Variants in CSNK1G3 observed in about 807,000 individuals in gnomAD.
The protein encoded by CSNK1G3 is casein kinase I isoform gamma-3.
In CSNK1G3, 23 loss-of-function variants were observed where a neutral mutation model predicts 64.3. The ratio of observed to expected loss-of-function variants is 0.36; its 90% CI spans 0.26 to 0.51. CSNK1G3 has a LOEUF of 0.51. Among genes scored for constraint, CSNK1G3 ranks in the 20% least tolerant of loss-of-function variants. The pLI, the probability that CSNK1G3 is intolerant of heterozygous loss-of-function variation, is 0.96. For synonymous variants in CSNK1G3, 158 were observed against 162.2 expected (o/e 0.97, Z 0.20); for missense variants, 357 against 510.5 (o/e 0.70, Z 2.90).
chr5:123,605,876 T>C (rs1404512121), intron 12 of CSNK1G3, among the ~76,000 whole-genome samples: 1 of 152,122 alleles, frequency 6.6e-6, no homozygotes, highest in African/African-American at 2.4e-5. Context: ...AATCCTCATC[T>C]AAATGGTTGC....
intron 12 of CSNK1G3, among the ~76,000 whole-genome samples, chr5:123,611,095 AGAG>A (rs1389307712): frequency 6.6e-6 from 1 of 152,240 alleles, no homozygotes; most frequent in Non-Finnish European, 1.5e-5. Flanking sequence ...GTGCTGGGGA[AGAG>A]GAAGCAATTG....
chr5:123,517,931 GAAAAAAAA>G (rs529062252), intron 1 of CSNK1G3, among the ~76,000 whole-genome samples: 1 of 106,490 alleles, frequency 9.4e-6, no homozygotes, highest in African/African-American at 3.3e-5. Flanking sequence ...TCCTCTTTAA[GAAAAAAAA>G]AAAAAAAAAG....
intron 5 of CSNK1G3, among the ~76,000 whole-genome samples, chr5:123,574,016 A>G (rs1788652836): frequency 6.6e-6 from 1 of 151,772 alleles, no homozygotes; most frequent in Non-Finnish European, 1.5e-5. Context: ...CGCCCGACCA[A>G]TTTTTTGTAT....
chr5:123,571,712 TTTTATTAAA>T (rs1338740955), intron 4 of CSNK1G3, among the ~76,000 whole-genome samples: 6 of 152,122 alleles, frequency 3.9e-5, no homozygotes, highest in Non-Finnish European at 8.8e-5. Context: ...TTAAAAAACG[TTTTATTAAA>T]AAGAATGAGA....
intron 4 of CSNK1G3, among the ~76,000 whole-genome samples, chr5:123,560,840 A>T (rs1032272467): frequency 1.3e-5 from 2 of 152,118 alleles, no homozygotes; most frequent in African/African-American, 4.8e-5. Context: ...ATTATTGTTC[A>T]TTGGGTAAGA....
chr5:123,525,922 T>C (rs889392053), intron 1 of CSNK1G3, among the ~76,000 whole-genome samples: 6 of 145,232 alleles, frequency 4.1e-5, no homozygotes, highest in Non-Finnish European at 8.9e-5. Context: ...GGCATGAACC[T>C]GGGAGGCGGA....
At chr5:123,516,893 T>C (rs1156890226) in intron 1 of CSNK1G3, among the ~76,000 whole-genome samples, 4 of 152,206 alleles carry the variant, frequency 2.6e-5, no homozygotes, top group African/African-American at 7.2e-5. Flanking sequence ...TTAGATCACT[T>C]TGTGTTACCT....
In CSNK1G3 at chr5:123,588,409, T is replaced by A. The variant is rs1375068822; in HGVS notation, c.760-18T>A. 1.3e-6 allele frequency: 2 copies of A among 1,582,692 alleles called. No individual in the cohort carries two copies. Among genetic ancestry groups the A allele is most frequent in the South Asian group, 1.1e-5 (1 of 90,410 alleles). On this transcript the variant is annotated intron_variant, in intron 7 of 12. Transcript: ENST00000345990. ...TTTTAAATTACCACATTCTCAAGAT[T>A]TTTTTTTTCTGTTTTAGGCTGACAC...
chr5:123,535,246 G>T (rs1456486846), intron 1 of CSNK1G3, among the ~76,000 whole-genome samples: 1 of 152,040 alleles, frequency 6.6e-6, no homozygotes, highest in Non-Finnish European at 1.5e-5. Context: ...AATTAGCGTG[G>T]ATTCCTATAC....
intron 6 of CSNK1G3, among the ~76,000 whole-genome samples, chr5:123,578,364 C>G (rs1229986661): frequency 4.0e-5 from 6 of 151,676 alleles, no homozygotes; most frequent in Non-Finnish European, 8.9e-5. Context: ...TTCTAGTGGC[C>G]AAGGGGTAGT....
chr5:123,596,088 T>C (rs974180917), intron 10 of CSNK1G3, among the ~76,000 whole-genome samples: 1 of 152,106 alleles, frequency 6.6e-6, no homozygotes, highest in Non-Finnish European at 1.5e-5. Context: ...TGCTATTCTT[T>C]CTTGATTTGA....
intron 1 of CSNK1G3, among the ~76,000 whole-genome samples, chr5:123,514,175 A>G (rs190839317): frequency 6.6e-6 from 1 of 152,312 alleles, no homozygotes; most frequent in African/African-American, 2.4e-5. Flanking sequence ...TGGGAGACAG[A>G]AAGGTTAATT....
At chr5:123,559,620 A>G (rs924477008) in intron 4 of CSNK1G3, among the ~76,000 whole-genome samples, 4 of 151,672 alleles carry the variant, frequency 2.6e-5, no homozygotes, top group African/African-American at 9.7e-5. Context: ...GAAGGTTTGC[A>G]TCATGGTGGC....
intron 10 of CSNK1G3, 119 bp from the exon 12 acceptor site, chr5:123,604,605 T>G (rs986999302): frequency 7.6e-6 from 4 of 526,076 alleles, no homozygotes; most frequent in Admixed American, 7.2e-5. Flanking sequence ...CACATTAACT[T>G]TCTAATTGAA....
chr5:123,523,646 G>A (rs927642697), intron 1 of CSNK1G3, among the ~76,000 whole-genome samples: 1 of 152,136 alleles, frequency 6.6e-6, no homozygotes, highest in Non-Finnish European at 1.5e-5. Context: ...GAGACTTTTA[G>A]AATTATTCTG....
At chr5:123,524,567 ATTC>A (rs1266748711) in intron 1 of CSNK1G3, among the ~76,000 whole-genome samples, 1 of 152,026 alleles carries the variant, frequency 6.6e-6, no homozygotes, top group Non-Finnish European at 1.5e-5. Context: ...GCTTTGGCTT[ATTC>A]TTATTTTTTG....
rs1437580865 is a variant in CSNK1G3 at position 123,514,450 on chromosome 5, G to A, written c.-248+1880G>A. On this transcript the variant is annotated intron_variant, in intron 1 of 12. Transcript: ENST00000345990. Reference sequence around the variant, plus strand: ...TCAAGGAATAGTTTAATTCAACCAGGACCACCTTTACTCTGTGGCAAGGAT... The same window carrying A: ...TCAAGGAATAGTTTAATTCAACCAGAACCACCTTTACTCTGTGGCAAGGAT... Among the ~76,000 whole-genome samples the A allele has an allele frequency of 6.6e-5, 10 of 152,288 alleles. No individual in the cohort carries two copies. The East Asian group carries it at 1.9e-3, about 29-fold the overall frequency.
rs370230377 is a variant in CSNK1G3, at chr5:123,538,289, A to C, written c.-247-7128A>C. Reference sequence around the variant, plus strand: ...CAAAGTCATACTATTTTTTACTCCCACCAGCACTTTTTTGAGAGTTCCAGT... The same window carrying C: ...CAAAGTCATACTATTTTTTACTCCCCCCAGCACTTTTTTGAGAGTTCCAGT... On this transcript the variant is annotated intron_variant, in intron 1 of 12. Transcript: ENST00000345990. Among the ~76,000 whole-genome samples the C allele has an allele frequency of 7.9e-5, 12 of 152,216 alleles. No individual in the cohort carries two copies. In the East Asian group the frequency reaches 2.3e-3, roughly 29 times the overall value.
intron 4 of CSNK1G3, among the ~76,000 whole-genome samples, chr5:123,565,242 T>C (rs1012633942): frequency 6.6e-6 from 1 of 152,186 alleles, no homozygotes; most frequent in African/African-American, 2.4e-5. Flanking sequence ...CCATAGTCTC[T>C]GGAATGAGAG....
Sources: allele counts gnomAD v4.1 joint callset (sites outside exome capture counted in the v4.1 genomes callset), GRCh38; gene constraint gnomAD v4.1.1; transcripts MANE v1.5; gene names NCBI Gene and HGNC (gene_info 2026-07-23, HGNC 2026-07-21).